The following SDK1 variants were observed in gnomAD, a reference collection of about 807,000 sequenced individuals.
SDK1 encodes sidekick cell adhesion molecule 1, also known as protein sidekick-1.
In SDK1, 157 loss-of-function variants were observed where a neutral mutation model predicts 245.5. The ratio of observed to expected loss-of-function variants is 0.64; its 90% CI spans 0.56 to 0.73. The LOEUF is 0.73. SDK1 is among the 30% of genes least tolerant of loss of function. SDK1 has a pLI of 0.00. For synonymous variants in SDK1, 1,647 were observed against 1,278.5 expected (o/e 1.29, Z -6.15); for missense variants, 3,583 against 3,002.3 (o/e 1.19, Z -4.52).
At chr7:3,552,084 G>T (rs1034719707) in intron 1 of SDK1, among the ~76,000 whole-genome samples, 1 of 151,914 alleles carries the variant, frequency 6.6e-6, no homozygotes, top group Non-Finnish European at 1.5e-5. Flanking sequence ...TGTCGCCCAG[G>T]CTGGAGTGCG....
intron 41 of SDK1, 64 bp downstream of exon 41, chr7:4,233,483 G>T: frequency 6.7e-7 from 1 of 1,500,958 alleles, no homozygotes; most frequent in South Asian, 1.2e-5. Context: ...GGGTCGAGGG[G>T]GACCCAGGGA....
rs145021835 is a variant in SDK1, at chr7:4,259,627, A to C, written c.6382-5497A>C. On this transcript the variant is annotated intron_variant, in intron 44 of 44. Coordinates refer to ENST00000404826, the MANE Select transcript of SDK1 (RefSeq NM_152744.4). ...AACACATTGGTCTTCTTGTAGCAGAATATGAGAATATTCACACTGAATAGC... is the reference window on the plus strand; with the variant it reads ...AACACATTGGTCTTCTTGTAGCAGACTATGAGAATATTCACACTGAATAGC... Among the ~76,000 whole-genome samples, 731 of 152,322 alleles carry C rather than the reference A, an allele frequency of 4.8e-3. 6 individuals carry two copies. Among genetic ancestry groups the C allele is most frequent in the African/African-American group, 0.017 (697 of 41,584 alleles).
At position 4,221,252 on chromosome 7, in the gene SDK1, G is replaced by C; in HGVS notation, c.5715G>C (p.Ser1905=). ...TAGPAEGSPG[S]PRDVLVTKSA... ...TTTATCCCGCAGGATCCCCGGGCTC[G>C]CCTAGAGATGTCCTGGTCACCAAGT... The change falls in exon 40 of 45, where the codon TCG becomes TCC. Residue 1905 remains serine, a synonymous_variant. Coordinates refer to ENST00000404826, the MANE Select transcript of SDK1 (RefSeq NM_152744.4). The C allele has an allele frequency of 6.2e-7, 1 of 1,613,516 alleles. No individual in the cohort carries two copies. The highest frequency in any genetic ancestry group is 2.2e-5 in the East Asian group (1 of 44,852).
At chr7:4,123,920 C>T (rs941384484) in intron 25 of SDK1, among the ~76,000 whole-genome samples, 1 of 152,174 alleles carries the variant, frequency 6.6e-6, no homozygotes, top group Non-Finnish European at 1.5e-5. Flanking sequence ...GGGAGCGTGC[C>T]CCTTCCTGGG....
chr7:3,369,551 T>C (rs906580209), intron 1 of SDK1, among the ~76,000 whole-genome samples: 1 of 152,186 alleles, frequency 6.6e-6, no homozygotes, highest in Non-Finnish European at 1.5e-5. Flanking sequence ...AAGTACCCAA[T>C]TATAGAGCAG....
At chr7:3,585,433 G>C (rs1284191528) in intron 1 of SDK1, among the ~76,000 whole-genome samples, 2 of 152,218 alleles carry the variant, frequency 1.3e-5, no homozygotes, top group African/African-American at 4.8e-5. Flanking sequence ...TGCATAAGTT[G>C]AGGGGATAGG....
intron 2 of SDK1, among the ~76,000 whole-genome samples, chr7:3,638,711 C>G (rs10271664): frequency 0.34 from 50,677 of 149,088 alleles, 9,253 homozygotes; most frequent in African/African-American, 0.46. Flanking sequence ...GTGCAGCACA[C>G]CAGCATGGCA....
chr7:3,377,704 A>G (rs1377622626), intron 1 of SDK1, among the ~76,000 whole-genome samples: 1 of 152,054 alleles, frequency 6.6e-6, no homozygotes, highest in Non-Finnish European at 1.5e-5. Context: ...TGCCACACAC[A>G]GGGCAGGGGG....
At chr7:4,174,543 G>A (rs1005847998) in intron 33 of SDK1, among the ~76,000 whole-genome samples, 186 bp downstream of exon 33, 2 of 152,220 alleles carry the variant, frequency 1.3e-5, no homozygotes, top group African/African-American at 2.4e-5. Flanking sequence ...GTGTGCGGCA[G>A]GTGGGTGCAG....
intron 40 of SDK1, among the ~76,000 whole-genome samples, chr7:4,226,629 C>T (rs913058514): frequency 6.6e-6 from 1 of 152,182 alleles, no homozygotes; most frequent in Non-Finnish European, 1.5e-5. Context: ...CCAAGGACAC[C>T]GCCACCAGCT....
intron 4 of SDK1, among the ~76,000 whole-genome samples, chr7:3,684,981 C>A (rs937405659): frequency 3.9e-5 from 6 of 151,984 alleles, no homozygotes; most frequent in Non-Finnish European, 8.8e-5. Context: ...ACAATGGACC[C>A]AAAGGGACCT....
At chr7:4,176,268 C>G (rs990114791) in intron 34 of SDK1, among the ~76,000 whole-genome samples, 1 of 151,708 alleles carries the variant, frequency 6.6e-6, no homozygotes, top group African/African-American at 2.4e-5. Flanking sequence ...CTCAAGTGAT[C>G]CCCCTGCCTC....
At chr7:3,381,845 G>C (rs985085127) in intron 1 of SDK1, among the ~76,000 whole-genome samples, 1 of 152,208 alleles carries the variant, frequency 6.6e-6, no homozygotes, top group Non-Finnish European at 1.5e-5. Flanking sequence ...ATTAAGGTCA[G>C]TGTATGTCTG....
chr7:4,185,963 G>T (rs1204653513), intron 35 of SDK1, among the ~76,000 whole-genome samples: 1 of 152,148 alleles, frequency 6.6e-6, no homozygotes, highest in Non-Finnish European at 1.5e-5. Flanking sequence ...TCTAAGGGGG[G>T]ATGGAGCGGC....
intron 5 of SDK1, among the ~76,000 whole-genome samples, chr7:3,882,819 T>TA (rs972082185): frequency 6.6e-6 from 1 of 152,214 alleles, no homozygotes; most frequent in South Asian, 2.1e-4. Context: ...AACTGAATTA[T>TA]AAAAAATTCT....
chr7:3,791,055 C>G (rs530512201), intron 4 of SDK1, among the ~76,000 whole-genome samples: 2 of 151,986 alleles, frequency 1.3e-5, no homozygotes, highest in African/African-American at 4.8e-5. Context: ...TTGGGTCTAA[C>G]AGCAGTGCCT....
At chr7:3,565,804 T>TATACAGG (rs1354088389) in intron 1 of SDK1, among the ~76,000 whole-genome samples, 1 of 152,200 alleles carries the variant, frequency 6.6e-6, no homozygotes, top group African/African-American at 2.4e-5. Context: ...GTTCAGGGAA[T>TATACAGG]AATGACAGGA....
intron 4 of SDK1, among the ~76,000 whole-genome samples, chr7:3,656,184 A>G (rs1407783439): frequency 6.6e-6 from 1 of 152,164 alleles, no homozygotes; most frequent in Non-Finnish European, 1.5e-5. Context: ...GTAAGTAGAT[A>G]TGCCCCCTCC....
At chr7:4,202,454 A>G (rs950298536) in intron 35 of SDK1, among the ~76,000 whole-genome samples, 6 of 152,150 alleles carry the variant, frequency 3.9e-5, no homozygotes, top group Non-Finnish European at 7.4e-5. Context: ...CAGGGCTGCT[A>G]GAAGAGAAGG....
Sources: allele counts gnomAD v4.1 joint callset (sites outside exome capture counted in the v4.1 genomes callset), GRCh38; gene constraint gnomAD v4.1.1; transcripts MANE v1.5; gene names NCBI Gene and HGNC (gene_info 2026-07-23, HGNC 2026-07-21).